DNAH1: variants seen among roughly 807,000 people sequenced by gnomAD.
The protein encoded by DNAH1 is dynein axonemal heavy chain 1.
DNAH1 carries 327 observed loss-of-function variants against 484.3 expected under a neutral mutation model. That is an observed-to-expected ratio of 0.68 (90% CI 0.62 to 0.74). The LOEUF (loss-of-function observed/expected upper bound fraction) is 0.74. Among genes scored for constraint, DNAH1 ranks in the 30% least tolerant of loss-of-function variants. DNAH1 has a pLI of 0.00. For synonymous variants in DNAH1, 2,192 were observed against 2,191.9 expected, an observed-to-expected ratio of 1.00 and a Z score of 0.00; for missense variants, 5,052 against 5,546.8, an observed-to-expected ratio of 0.91 and a Z score of 2.83.
chr3:52,342,170 A>C (rs1046357346), intron 8 of DNAH1, among the ~76,000 whole-genome samples: 1 of 152,178 alleles, frequency 6.6e-6, no homozygotes, highest in Admixed American at 6.5e-5. Context: ...GGTAGGGACA[A>C]GTTTGTGGTA....
At chr3:52,371,866 T>A (rs964996227) in intron 41 of DNAH1, 80 bp from the exon 42 acceptor site, 6 of 1,566,880 alleles carry the variant, frequency 3.8e-6, no homozygotes, top group South Asian at 2.4e-5. Flanking sequence ...CTGGCCCTTC[T>A]GCACTTGGCC....
At chr3:52,360,522 A>G in intron 28 of DNAH1, 98 bp downstream of exon 28, 1 of 988,348 alleles carries the variant, frequency 1.0e-6, no homozygotes, top group East Asian at 2.6e-5. Flanking sequence ...GGGGTGATCT[A>G]GTCCATCAGA....
At position 52,347,845 on chromosome 3, in the gene DNAH1, C is replaced by T. The variant is rs1300483703; in HGVS notation, c.1977C>T (p.Phe659=). Reference sequence around the variant, plus strand: ...GCAGGCCCCGGAAGAATCCCCTGTTCATCATGGACCTGGTGCTGGACAGCT... The same window carrying T: ...GCAGGCCCCGGAAGAATCCCCTGTTTATCATGGACCTGGTGCTGGACAGCT... ...SPYRPRKNPL[F]IMDLVLDSSG... The change falls in exon 12 of 78, where the codon TTC becomes TTT. Residue 659 remains phenylalanine, a synonymous_variant. Transcript: ENST00000420323. The T allele has an allele frequency of 2.5e-6, 4 of 1,596,350 alleles. No individual in the cohort carries two copies. Among genetic ancestry groups the T allele is most frequent in the Non-Finnish European group, 3.4e-6 (4 of 1,170,756 alleles).
intron 8 of DNAH1, among the ~76,000 whole-genome samples, chr3:52,333,608 G>T (rs140389809): frequency 6.6e-6 from 1 of 152,060 alleles, no homozygotes; most frequent in South Asian, 2.1e-4. Flanking sequence ...AGCTGGTCTC[G>T]AGCTCCCGAC....
chr3:52,388,472 G>T lies in DNAH1; in HGVS notation c.9226G>T (p.Glu3076Ter). 1 of 1,612,924 alleles carries T rather than the reference G, an allele frequency of 6.2e-7. No individual in the cohort carries two copies. The highest frequency in any genetic ancestry group is 8.5e-7 in the Non-Finnish European group (1 of 1,179,480). ...GGGGGTGACACAGAGGATCCTGGAT[G>T]AGGCAAAACAGCGCCTTCGTGAGGT... ...DLGVTQRILDEAKQRLREVED... is the reference protein window; with the variant it reads ...DLGVTQRILD Residue 3076 changes from glutamate to a stop codon, truncating the protein, a stop_gained, in exon 58 of 78, where the codon GAG becomes TAG. Transcript: ENST00000420323. LOFTEE classifies it high-confidence loss of function.
chr3:52,398,735 C>A, intron 75 of DNAH1, 115 bp from the exon 76 acceptor site: 1 of 919,070 alleles, frequency 1.1e-6, no homozygotes, highest in Non-Finnish European at 1.6e-6. Flanking sequence ...CAGCTCTCTG[C>A]TCTTAGCCTC....
In DNAH1 at chr3:52,361,591, C is replaced by T. The variant is rs1222569920; in HGVS notation, c.4875-70C>T. ...TCCTCCCAAGTGGAGTTGGAGGGGG[C>T]CCTCAGAGGGAGGTGCCCAGATTGG... On this transcript the variant is annotated intron_variant, in intron 29 of 77. Coordinates refer to ENST00000420323, the MANE Select transcript of DNAH1 (RefSeq NM_015512.5). The surrounding 1 kb of genome is among the most constrained non-coding windows in gnomAD (Gnocchi z 5.6). The T allele has an allele frequency of 2.0e-6, 3 of 1,476,886 alleles. No individual in the cohort carries two copies. Among genetic ancestry groups the T allele is most frequent in the Non-Finnish European group, 2.8e-6 (3 of 1,085,160 alleles). The allele number at this position is 1,476,886 out of a possible 1,614,324, so 91.5% of individuals were successfully genotyped here.
Position 52,346,513 on chromosome 3 carries a change from G to C in DNAH1, c.1698G>C (p.Lys566Asn). The stretch of plus-strand genomic sequence containing the variant: ...AGGACAGCTGGATCAGCTCGCTAAA[G>C]GTGGCCATGCGCAGCAGCCTGCGCG... ...FLKDSWISSL[K>N]VAMRSSLRDM... The change falls in exon 11 of 78, where the codon AAG becomes AAC. Residue 566 changes from lysine (K) to asparagine (N), a missense_variant. Transcript: ENST00000420323. The C allele has an allele frequency of 6.2e-7, 1 of 1,613,454 alleles. No individual in the cohort carries two copies. The highest frequency in any genetic ancestry group is 1.3e-5 in the African/African-American group (1 of 75,060).
intron 3 of DNAH1, among the ~76,000 whole-genome samples, chr3:52,325,407 G>A (rs562166120): frequency 1.3e-5 from 2 of 152,292 alleles, no homozygotes; most frequent in East Asian, 3.9e-4. Flanking sequence ...GCCCACCCAG[G>A]CCCTGGGAAA....
Position 52,396,671 on chromosome 3 carries a change from C to T in DNAH1, c.11484C>T (p.Ala3828=), listed in dbSNP as rs1483387952. The change falls in exon 72 of 78, where the codon GCC becomes GCT. Residue 3828 remains alanine, a synonymous_variant. Coordinates refer to ENST00000420323, the MANE Select transcript of DNAH1 (RefSeq NM_015512.5). ...CTCTGTGCTTGTTCCATGGGAACGC[C>T]CTGGAGCGCCGTAAGTTTGGGCCCC... The part of the protein sequence containing the change: ...LLSLCLFHGN[A]LERRKFGPLG... The T allele has an allele frequency of 6.2e-7, 1 of 1,613,614 alleles. No individual in the cohort carries two copies. The highest frequency in any genetic ancestry group is 8.5e-7 in the Non-Finnish European group (1 of 1,179,890).
Position 52,376,008 on chromosome 3 carries a change from G to A in DNAH1, c.7198+15G>A, listed in dbSNP as rs372381282. Reference sequence around the variant, plus strand: ...GGAGCGTGTGCGTAAGTGTGGGCCTGGGCGGGAATGGGGCACTGGTTCCAG... The same window carrying A: ...GGAGCGTGTGCGTAAGTGTGGGCCTAGGCGGGAATGGGGCACTGGTTCCAG... On this transcript the variant is annotated intron_variant, in intron 46 of 77. Transcript: ENST00000420323. 10 of 1,610,192 alleles carry A rather than the reference G, an allele frequency of 6.2e-6. No homozygotes were observed. The highest frequency in any genetic ancestry group is 8.5e-6 in the Non-Finnish European group (10 of 1,178,896).
Position 52,381,574 on chromosome 3 carries a change from G to C in DNAH1, c.7609-66G>C, listed in dbSNP as rs1294359296. On this transcript the variant is annotated intron_variant, in intron 48 of 77. Transcript: ENST00000420323. The surrounding 1 kb of genome is among the most constrained non-coding windows in gnomAD (Gnocchi z 4.1). ...GGACAGAGAAGAAAGCGGGTGGGTGGGGGGAATCGGGGAGACCCTACAGTA... is the reference window on the plus strand; with the variant it reads ...GGACAGAGAAGAAAGCGGGTGGGTGCGGGGAATCGGGGAGACCCTACAGTA... 6.9e-7 allele frequency: 1 copy of C among 1,442,118 alleles called. No homozygotes were observed. Among genetic ancestry groups the C allele is most frequent in the Non-Finnish European group, 9.4e-7 (1 of 1,065,140 alleles). The allele number at this position is 1,442,118 out of a possible 1,614,324, so 89.3% of individuals were successfully genotyped here. A position where few individuals can be genotyped will look rare whatever the true frequency, so the allele number is the denominator to read the frequency against.
chr3:52,334,252 T>TA (rs1440149548), intron 8 of DNAH1, among the ~76,000 whole-genome samples: 1 of 152,064 alleles, frequency 6.6e-6, no homozygotes, highest in African/African-American at 2.4e-5. Flanking sequence ...TATCTAAACA[T>TA]AGAAAAGGTA....
At chr3:52,354,499 G>A (rs1200774131) in intron 20 of DNAH1, among the ~76,000 whole-genome samples, 2 of 152,196 alleles carry the variant, frequency 1.3e-5, no homozygotes, top group Admixed American at 6.5e-5. Context: ...GGGGTGTGGT[G>A]GCACATGCCT....
intron 15 of DNAH1, 65 bp from the exon 16 acceptor site, chr3:52,350,443 C>T: frequency 6.7e-7 from 1 of 1,483,090 alleles, no homozygotes; most frequent in African/African-American, 1.4e-5. Flanking sequence ...TCTGGGGAGC[C>T]AGGTTCCGAT....
chr3:52,348,069 A>G (rs1702220468), intron 12 of DNAH1, 95 bp downstream of exon 12: 2 of 1,319,560 alleles, frequency 1.5e-6, no homozygotes, highest in East Asian at 5.0e-5. Flanking sequence ...CAACTGTATC[A>G]CAGGCCTCCT....
At position 52,364,798 on chromosome 3, in the gene DNAH1, C is replaced by T. The variant is rs768474162; in HGVS notation, c.5332-35C>T. ...CTGGGCAGCTGGAGGGCAGCTGGCC[C>T]ACTGCCCTGAAGGCTCAGCCGGCAC... On this transcript the variant is annotated intron_variant, in intron 33 of 77. Coordinates refer to ENST00000420323, the MANE Select transcript of DNAH1 (RefSeq NM_015512.5). This position sits in a 1 kb window ranked among gnomAD's most constrained non-coding sequence, Gnocchi z 4.2. 1.2e-6 allele frequency: 2 copies of T among 1,608,470 alleles called. No individual in the cohort carries two copies.
intron 46 of DNAH1, among the ~76,000 whole-genome samples, chr3:52,377,010 C>T (rs1402854081): frequency 2.0e-5 from 3 of 152,112 alleles, no homozygotes; most frequent in Non-Finnish European, 2.9e-5. Flanking sequence ...GGTCTCCAGC[C>T]TCCTCTCCCT....
upstream of DNAH1, among the ~76,000 whole-genome samples, chr3:52,311,884 G>C (rs549179167): frequency 6.6e-6 from 1 of 152,192 alleles, no homozygotes; most frequent in African/African-American, 2.4e-5. Context: ...CGCCAAAGCC[G>C]GGCATACAAT....
Sources: gnomAD v4.1 joint callset for allele counts (sites outside exome capture counted in the v4.1 genomes callset) on GRCh38, gnomAD v4.1.1 for gene constraint, Gnocchi (gnomAD v3.1) non-coding constraint, MANE v1.5 for transcripts, NCBI Gene and HGNC (gene_info 2026-07-23, HGNC 2026-07-21) for gene names.